Variants in SLC4A1 observed in about 807,000 individuals in gnomAD.
The protein encoded by SLC4A1 is band 3 anion transport protein.
In SLC4A1, 29 loss-of-function variants were observed where a neutral mutation model predicts 93.1. The observed-to-expected ratio is 0.31, with a 90% CI of 0.23 to 0.42. SLC4A1 has a LOEUF of 0.42. Ranked by LOEUF, SLC4A1 falls within the 20% of genes least tolerant of loss-of-function variation. The pLI is 1.00. For missense variants in SLC4A1, 965 were observed against 1,190.1 expected, an observed-to-expected ratio of 0.81 and a Z score of 2.78; for synonymous variants, 469 against 497.2, an observed-to-expected ratio of 0.94 and a Z score of 0.76.
intron 3 of SLC4A1, chr17:44,262,090 C>A: frequency 9.1e-7 from 1 of 1,098,168 alleles, no homozygotes; most frequent in Non-Finnish European, 1.1e-6. Flanking sequence ...GGGTCAGCCC[C>A]TTATATTCCC....
Position 44,262,078 on chromosome 17 carries a change from G to A in SLC4A1, c.107-442C>T, listed in dbSNP as rs573022162. On this transcript the variant is annotated intron_variant, in intron 3 of 19. Coordinates refer to ENST00000262418, the MANE Select transcript of SLC4A1 (RefSeq NM_000342.4). ...TGTCTCACTGAGCTGAGGCACCAGG[G>A]TGGGTCAGCCCCTTATATTCCCACC... is the stretch of plus-strand genomic sequence containing the variant. 67 of 1,114,892 alleles carry A rather than the reference G, an allele frequency of 6.0e-5. No homozygotes were observed. The Admixed American group carries it at 1.1e-3, about 18-fold the overall frequency. 69.1% of individuals were successfully genotyped at this position (1,114,892 alleles called of 1,614,324 possible).
intron 1 of SLC4A1, among the ~76,000 whole-genome samples, chr17:44,264,489 C>G (rs570441486): frequency 2.0e-5 from 3 of 152,126 alleles, no homozygotes; most frequent in Admixed American, 6.6e-5. Context: ...AAAACCAATA[C>G]GTGGTTTCTT....
chr17:44,267,945 G>T, intron 1 of SLC4A1, 109 bp downstream of exon 1: 1 of 413,774 alleles, frequency 2.4e-6, no homozygotes, highest in Non-Finnish European at 3.3e-6. Flanking sequence ...GCACCCCCTT[G>T]GAGGTCAGGA....
At position 44,268,093 on chromosome 17, in the gene SLC4A1, G is replaced by A. The variant is rs2047508904; in HGVS notation, c.-108C>T. The A allele has an allele frequency of 5.1e-6, 5 of 985,288 alleles. No individual in the cohort carries two copies. In the South Asian group the frequency reaches 2.3e-4, roughly 46 times the overall value. The allele number at this position is 985,288 out of a possible 1,614,324, so 61.0% of individuals were successfully genotyped here. A position where few individuals can be genotyped will look rare whatever the true frequency, so the allele number is the denominator to read the frequency against. ...CAGGGTCCCTTGGTGAAGTCCTGCA[G>A]CCGCTGGTGCCCTCTGCGACCAGCT... On this transcript the variant is annotated 5_prime_UTR_variant, in exon 1 of 20. Coordinates refer to ENST00000262418, the MANE Select transcript of SLC4A1 (RefSeq NM_000342.4).
intron 19 of SLC4A1, 119 bp downstream of exon 19, chr17:44,251,040 C>T: frequency 8.8e-7 from 1 of 1,141,016 alleles, no homozygotes. Context: ...CAGGCCAGAA[C>T]CTGGACACCA....
rs1308470800 is a variant in SLC4A1, at chr17:44,255,670, G to C, written c.1800+3C>G. ...CAAGGACAGGCGAGGAGGGTATGCT[G>C]ACCTTGCCAGGGAAATAGGAGCTGT... On this transcript the variant is annotated splice_donor_region_variant and intron_variant, in intron 14 of 19. Coordinates refer to ENST00000262418, the MANE Select transcript of SLC4A1 (RefSeq NM_000342.4). 6.2e-7 allele frequency: 1 copy of C among 1,613,734 alleles called. No individual in the cohort carries two copies. The highest frequency in any genetic ancestry group is 1.7e-5 in the Admixed American group (1 of 60,020).
At position 44,260,748 on chromosome 17, in the gene SLC4A1, G is replaced by C. The variant is rs376688172; in HGVS notation, c.236C>G (p.Ala79Gly). The C allele has an allele frequency of 1.2e-6, 2 of 1,614,036 alleles. No individual in the cohort carries two copies. The highest frequency in any genetic ancestry group is 4.5e-5 in the East Asian group (2 of 44,878). The change falls in exon 5 of 20, where the codon GCG (alanine) becomes GGG (glycine). Residue 79 changes from alanine to glycine, a missense_variant. This residue lies in a region of SLC4A1 where 195 missense variants were observed against 183.5 expected (regional missense o/e 1.06). Coordinates refer to ENST00000262418, the MANE Select transcript of SLC4A1 (RefSeq NM_000342.4). Reference sequence around the variant, plus strand: ...GTTCTCCTCCAGTTGCACCCAGCGCGCCGCCTCCATCCATCTCAGCTCCTG... The same window carrying C: ...GTTCTCCTCCAGTTGCACCCAGCGCCCCGCCTCCATCCATCTCAGCTCCTG... Reference protein sequence around the residue: ...KNQELRWMEAARWVQLEENLG... With the variant: ...KNQELRWMEAGRWVQLEENLG...
intron 6 of SLC4A1, 140 bp from the exon 7 acceptor site, chr17:44,260,072 G>GAGACC: frequency 1.8e-6 from 2 of 1,106,626 alleles, no homozygotes; most frequent in Non-Finnish European, 2.7e-6. Context: ...CCAGACCAGA[G>GAGACC]AGACCCTGGG....
intron 4 of SLC4A1, 93 bp from the exon 5 acceptor site, chr17:44,260,908 G>T: frequency 2.1e-6 from 3 of 1,432,974 alleles, no homozygotes; most frequent in Non-Finnish European, 2.9e-6. Context: ...TGCTTGTGAG[G>T]CTTGGATCCC....
chr17:44,267,010 C>G (rs2047501199), intron 1 of SLC4A1, among the ~76,000 whole-genome samples: 1 of 152,066 alleles, frequency 6.6e-6, no homozygotes, highest in Admixed American at 6.6e-5. Context: ...TTTGGGGATT[C>G]TAAGAGGAAG....
chr17:44,262,070 G>A, intron 3 of SLC4A1: 1 of 1,117,218 alleles, frequency 9.0e-7, no homozygotes, highest in Non-Finnish European at 1.1e-6. Flanking sequence ...CTGAGCTGAG[G>A]CACCAGGGTG....
rs1339942505 is a variant in SLC4A1 at position 44,255,861 on chromosome 17, C to G, written c.1627-15G>C. 3 of 1,613,898 alleles carry G rather than the reference C, an allele frequency of 1.9e-6. No individual in the cohort carries two copies. The African/African-American group carries it at 4.0e-5, about 22-fold the overall frequency. On this transcript the variant is annotated splice_polypyrimidine_tract_variant and intron_variant, in intron 13 of 19. Transcript: ENST00000262418. ...TCCTGGAAGATCTGCAGCAGAAAAC[C>G]AAGGCATTCTGTTCTCTCCCAGCTT...
At chr17:44,250,612 G>C (rs1005071557) in intron 19 of SLC4A1, 74 bp from the exon 20 acceptor site, 7 of 1,178,350 alleles carry the variant, frequency 5.9e-6, no homozygotes, top group Middle Eastern at 1.9e-4. Flanking sequence ...GGCACGAAAG[G>C]CACCTCTGGA....
chr17:44,263,928 C>T (rs995765101), intron 1 of SLC4A1, among the ~76,000 whole-genome samples: 3 of 151,716 alleles, frequency 2.0e-5, no homozygotes, highest in Admixed American at 2.0e-4. Flanking sequence ...CCACAGTGCC[C>T]AGGTAATTAA....
Position 44,259,357 on chromosome 17 carries a change from G to A in SLC4A1, c.695-13C>T, listed in dbSNP as rs1319514849. 6 of 1,613,116 alleles carry A rather than the reference G, an allele frequency of 3.7e-6. No individual in the cohort carries two copies. The highest frequency in any genetic ancestry group is 5.1e-6 in the Non-Finnish European group (6 of 1,179,676). On this transcript the variant is annotated splice_polypyrimidine_tract_variant and intron_variant, in intron 8 of 19. Transcript: ENST00000262418. ...AAGTCGGCGCGGCCTGTTAGGGGAT[G>A]AGAAGATCAGGCCAGGCCGAGGAGC...
Position 44,259,158 on chromosome 17 carries a change from C to T in SLC4A1, c.876+5G>A, listed in dbSNP as rs201191298. 3.3e-5 allele frequency: 53 copies of T among 1,613,812 alleles called. No individual in the cohort carries two copies. Among genetic ancestry groups the T allele is most frequent in the Non-Finnish European group, 4.4e-5 (52 of 1,180,006 alleles). ...CCAGCCCAGCCCTCTCCGGCCCTTC[C>T]TTACCCTCTCTGACATGAGGGTGGC... On this transcript the variant is annotated splice_donor_5th_base_variant and intron_variant, in intron 9 of 19. Coordinates refer to ENST00000262418, the MANE Select transcript of SLC4A1 (RefSeq NM_000342.4).
At chr17:44,255,434 G>A in intron 14 of SLC4A1, 138 bp from the exon 15 acceptor site, 1 of 765,004 alleles carries the variant, frequency 1.3e-6, no homozygotes. Flanking sequence ...CTGCACCTCA[G>A]CTATGTCTGC....
chr17:44,252,613 T>C (rs2144600034), intron 17 of SLC4A1, among the ~76,000 whole-genome samples: 1 of 152,330 alleles, frequency 6.6e-6, no homozygotes, highest in Middle Eastern at 3.4e-3. Flanking sequence ...AGCTCGACTC[T>C]TGGCTGCTCC....
chr17:44,262,751 G>T, intron 2 of SLC4A1, 25 bp from the exon 3 acceptor site: 1 of 1,608,706 alleles, frequency 6.2e-7, no homozygotes, highest in Non-Finnish European at 8.5e-7. Context: ...CGCTGAGGCT[G>T]GGCTGTGAGG....
Sources: gnomAD v4.1 joint callset for allele counts (sites outside exome capture counted in the v4.1 genomes callset) on GRCh38, gnomAD v4.1.1 for gene constraint, gnomAD v4.1.1 regional missense constraint, MANE v1.5 for transcripts, NCBI Gene and HGNC (gene_info 2026-07-23, HGNC 2026-07-21) for gene names.